RANBP2: variants seen among roughly 807,000 people sequenced by gnomAD.
RANBP2 encodes E3 SUMO-protein ligase RanBP2.
Under a neutral mutation model 303.6 loss-of-function variants are expected in RANBP2, and 57 were observed. The observed-to-expected ratio is 0.19, with a 90% CI of 0.15 to 0.23. RANBP2 has a LOEUF of 0.23. Among genes scored for constraint, RANBP2 ranks in the 10% least tolerant of loss-of-function variants. RANBP2 has a pLI of 1.00. For missense variants in RANBP2, 3,138 were observed against 3,780.8 expected, an observed-to-expected ratio of 0.83 and a Z score of 4.46; for synonymous variants, 1,167 against 1,301.5, an observed-to-expected ratio of 0.90 and a Z score of 2.23.
the RANBP2 span, among the ~76,000 whole-genome samples, chr2:109,203,794 T>C: frequency 2.0e-5 from 3 of 150,304 alleles, no homozygotes; most frequent in African/African-American, 7.4e-5. Context: ...ATTCCTGCCC[T>C]TTGTCTCATG....
At chr2:108,835,431 A>C in the RANBP2 span, among the ~76,000 whole-genome samples, 2 of 152,232 alleles carry the variant, frequency 1.3e-5, no homozygotes, top group South Asian at 2.1e-4. Context: ...AAAAAAATTC[A>C]TGGAACTGTT....
At chr2:109,144,433 T>A in the RANBP2 span, among the ~76,000 whole-genome samples, 2 of 152,236 alleles carry the variant, frequency 1.3e-5, no homozygotes, top group African/African-American at 4.8e-5. Context: ...CCATGACGTC[T>A]CTAGGTTTGT....
At chr2:109,485,636 T>G in the RANBP2 span, among the ~76,000 whole-genome samples, 1 of 152,256 alleles carries the variant, frequency 6.6e-6, no homozygotes, top group African/African-American at 2.4e-5. Flanking sequence ...GCCTTCAAAA[T>G]TCTCCTTTTT....
At chr2:109,262,019 A>T in the RANBP2 span, among the ~76,000 whole-genome samples, 165 of 152,332 alleles carry the variant, frequency 1.1e-3, 1 homozygote, top group African/African-American at 3.8e-3. Context: ...AAGAGTGGCT[A>T]GAGCAGGAGA....
At chr2:108,966,854 C>T in the RANBP2 span, among the ~76,000 whole-genome samples, 1 of 152,192 alleles carries the variant, frequency 6.6e-6, no homozygotes, top group African/African-American at 2.4e-5. Context: ...CAAACAACTC[C>T]ACTAACATGA....
At chr2:109,301,037 G>A in the RANBP2 span, among the ~76,000 whole-genome samples, 1 of 152,334 alleles carries the variant, frequency 6.6e-6, no homozygotes, top group South Asian at 2.1e-4. Flanking sequence ...TGAAAGTTGG[G>A]AGACTTCAAT....
the RANBP2 span, among the ~76,000 whole-genome samples, chr2:109,132,629 A>G: frequency 4.5e-3 from 684 of 152,302 alleles, 2 homozygotes; most frequent in Admixed American, 7.7e-3. Flanking sequence ...GGCAAATACT[A>G]TATGTGTGTT....
At chr2:109,161,336 G>A in the RANBP2 span, among the ~76,000 whole-genome samples, 67 of 152,116 alleles carry the variant, frequency 4.4e-4, no homozygotes, top group African/African-American at 1.5e-3. Flanking sequence ...TGGTATGCAC[G>A]GGTTTCTCTC....
At chr2:108,741,223 C>G (rs2149163882) in intron 7 of RANBP2, among the ~76,000 whole-genome samples, 1 of 151,498 alleles carries the variant, frequency 6.6e-6, no homozygotes, top group East Asian at 1.9e-4. Flanking sequence ...TTTTTGAGAC[C>G]AAGTCTCTCT....
chr2:109,644,012 T>C, the RANBP2 span, among the ~76,000 whole-genome samples: 1 of 151,078 alleles, frequency 6.6e-6, no homozygotes, highest in Non-Finnish European at 1.5e-5. Flanking sequence ...TCCCAGCTAC[T>C]CGGGAGGCTG....
the RANBP2 span, among the ~76,000 whole-genome samples, chr2:109,142,966 G>A: frequency 1.3e-5 from 2 of 152,126 alleles, no homozygotes; most frequent in African/African-American, 4.8e-5. Context: ...GAGTGCCGGG[G>A]GCTTGGGGCT....
chr2:108,788,016 T>A, downstream of RANBP2: 1 of 1,492,452 alleles, frequency 6.7e-7, no homozygotes, highest in Non-Finnish European at 9.1e-7. Context: ...ATTAAATCTT[T>A]TCTTTTTTTT....
chr2:109,160,906 G>T, the RANBP2 span, among the ~76,000 whole-genome samples: 1 of 152,184 alleles, frequency 6.6e-6, no homozygotes, highest in African/African-American at 2.4e-5. Context: ...TTGTTTGAGT[G>T]TCTGGGGATT....
At chr2:109,323,948 C>T in the RANBP2 span, among the ~76,000 whole-genome samples, 1 of 152,174 alleles carries the variant, frequency 6.6e-6, no homozygotes, top group Admixed American at 6.5e-5. Flanking sequence ...AAATGCCATA[C>T]CTATCAGTAG....
chr2:109,218,017 G>A, the RANBP2 span, among the ~76,000 whole-genome samples: 1 of 152,176 alleles, frequency 6.6e-6, no homozygotes, highest in African/African-American at 2.4e-5. Flanking sequence ...TTGCTTGGAT[G>A]GAACCAGGTG....
chr2:109,429,884 G>A, the RANBP2 span, among the ~76,000 whole-genome samples: 5 of 152,340 alleles, frequency 3.3e-5, no homozygotes, highest in African/African-American at 7.2e-5. Flanking sequence ...TGTGCAGGGA[G>A]CCTGCAGTAG....
chr2:108,817,743 A>C, the RANBP2 span, among the ~76,000 whole-genome samples: 8 of 152,326 alleles, frequency 5.3e-5, 1 homozygote, highest in South Asian at 1.7e-3. Context: ...AAAGGAACAC[A>C]GCTCTGTATA....
At chr2:109,462,095 G>T in the RANBP2 span, among the ~76,000 whole-genome samples, 1 of 151,224 alleles carries the variant, frequency 6.6e-6, no homozygotes, top group African/African-American at 2.4e-5. Flanking sequence ...CCTCTGACAT[G>T]CAGGTGTCTT....
chr2:108,813,248 C>CAAAAAAA, the RANBP2 span, among the ~76,000 whole-genome samples: 8 of 63,552 alleles, frequency 1.3e-4, no homozygotes, highest in South Asian at 9.8e-4. Flanking sequence ...GACTCCGTCT[C>CAAAAAAA]AAAAAAAAAA....
Sources: allele counts gnomAD v4.1 joint callset (sites outside exome capture counted in the v4.1 genomes callset), GRCh38; gene constraint gnomAD v4.1.1; transcripts MANE v1.5; gene names NCBI Gene and HGNC (gene_info 2026-07-23, HGNC 2026-07-21).